Variants in CAMTA1 observed in about 807,000 individuals in gnomAD.
The protein encoded by CAMTA1 is calmodulin binding transcription activator 1.
In CAMTA1, 27 loss-of-function variants were observed where a neutral mutation model predicts 170.9. That is an observed-to-expected ratio of 0.16 (90% CI 0.12 to 0.22). The LOEUF (loss-of-function observed/expected upper bound fraction) is 0.22. Among genes scored for constraint, CAMTA1 ranks in the 10% least tolerant of loss-of-function variants. CAMTA1 has a pLI of 1.00. For missense variants in CAMTA1, 1,619 were observed against 2,217.2 expected (o/e 0.73, Z 5.42); for synonymous variants, 833 against 891.5 (o/e 0.93, Z 1.17).
chr1:6,961,396 C>T (rs189236329), intron 3 of CAMTA1, among the ~76,000 whole-genome samples: 75 of 152,298 alleles, frequency 4.9e-4, no homozygotes, highest in Non-Finnish European at 7.6e-4. Flanking sequence ...AGTTCAGGCG[C>T]CACCATCGTG....
chr1:7,586,384 G>T (rs1041404826), intron 6 of CAMTA1, among the ~76,000 whole-genome samples: 1 of 152,196 alleles, frequency 6.6e-6, no homozygotes, highest in Non-Finnish European at 1.5e-5. Context: ...CCAGAGGCCC[G>T]AGATAAAGCC....
intron 11 of CAMTA1, among the ~76,000 whole-genome samples, chr1:7,684,973 G>A (rs1400120920): frequency 2.0e-5 from 3 of 152,184 alleles, no homozygotes; most frequent in Non-Finnish European, 4.4e-5. Flanking sequence ...AAGAAGCCGC[G>A]CAGGTTAGGC....
intron 5 of CAMTA1, among the ~76,000 whole-genome samples, chr1:7,362,632 T>C (rs1053117282): frequency 1.9e-4 from 28 of 149,314 alleles, no homozygotes; most frequent in African/African-American, 6.9e-4. Context: ...TTGAATAGAG[T>C]GAGTGAACTT....
At chr1:6,907,051 T>G (rs1678665056) in intron 3 of CAMTA1, among the ~76,000 whole-genome samples, 1 of 152,184 alleles carries the variant, frequency 6.6e-6, no homozygotes, top group Non-Finnish European at 1.5e-5. Context: ...GAGATCCATC[T>G]TCGGGATAGG....
At chr1:7,449,351 A>G (rs188837725) in intron 5 of CAMTA1, among the ~76,000 whole-genome samples, 1 of 152,316 alleles carries the variant, frequency 6.6e-6, no homozygotes, top group East Asian at 1.9e-4. Flanking sequence ...GAAGCAGTCT[A>G]AGACCACCGG....
intron 5 of CAMTA1, among the ~76,000 whole-genome samples, chr1:7,398,193 C>CTCTCTATATA (rs1557651862): frequency 4.1e-4 from 7 of 16,890 alleles, no homozygotes; most frequent in African/African-American, 5.8e-4. Context: ...CTCTCTCTCT[C>CTCTCTATATA]TATATATATA....
chr1:7,217,738 T>C (rs763285054), intron 4 of CAMTA1, among the ~76,000 whole-genome samples: 3 of 152,192 alleles, frequency 2.0e-5, no homozygotes, highest in African/African-American at 7.2e-5. Context: ...TTTCAGTTGT[T>C]AATGGAGTCT....
At chr1:7,181,957 C>T (rs1221395502) in intron 4 of CAMTA1, among the ~76,000 whole-genome samples, 4 of 147,972 alleles carry the variant, frequency 2.7e-5, no homozygotes, top group Non-Finnish European at 5.9e-5. Flanking sequence ...TTAAAATGAA[C>T]TATAAAGCCT....
chr1:7,410,592 G>A (rs1452862866), intron 5 of CAMTA1, among the ~76,000 whole-genome samples: 3 of 152,240 alleles, frequency 2.0e-5, no homozygotes, highest in African/African-American at 7.2e-5. Flanking sequence ...AGGGAGAGGA[G>A]GCCCTGGTGA....
Position 6,918,354 on chromosome 1 carries a change from A to G in CAMTA1, c.234+93144A>G, listed in dbSNP as rs1681281261. 6.6e-6 allele frequency among the ~76,000 whole-genome samples: 1 copy of G among 152,228 alleles called. No individual in the cohort carries two copies. On this transcript the variant is annotated intron_variant, in intron 3 of 22. Coordinates refer to ENST00000303635, the MANE Select transcript of CAMTA1 (RefSeq NM_015215.4). The surrounding 1 kb of genome is among the most constrained non-coding windows in gnomAD (Gnocchi z 4.0). ...ATTTGTCCTGGGAGCCAATGAGCAG[A>G]CAGAGTTTGGGTAATCTATGCAAAG...
intron 7 of CAMTA1, among the ~76,000 whole-genome samples, chr1:7,653,533 C>A (rs1205000651): frequency 6.6e-6 from 1 of 152,164 alleles, no homozygotes; most frequent in Admixed American, 6.5e-5. Context: ...AAAGTGCTGG[C>A]ATGAGCCACC....
intron 11 of CAMTA1, among the ~76,000 whole-genome samples, chr1:7,729,640 G>A (rs78226885): frequency 1.0e-3 from 158 of 152,190 alleles, no homozygotes; most frequent in African/African-American, 3.5e-3. Context: ...TCTTCTTGGC[G>A]TATCTGGTTA....
chr1:6,806,915 T>C, intron 1 of CAMTA1: 2 of 421,880 alleles, frequency 4.7e-6, no homozygotes, highest in Non-Finnish European at 8.5e-6. Flanking sequence ...CACGTGAACA[T>C]TGGTTATTGT....
intron 3 of CAMTA1, among the ~76,000 whole-genome samples, chr1:7,084,249 C>T (rs1457675551): frequency 6.6e-6 from 1 of 152,194 alleles, no homozygotes; most frequent in Non-Finnish European, 1.5e-5. Context: ...AAAGACCTTT[C>T]TCCCTCCCTG....
intron 7 of CAMTA1, among the ~76,000 whole-genome samples, chr1:7,660,297 C>T (rs747924566): frequency 1.3e-5 from 2 of 152,242 alleles, no homozygotes; most frequent in Non-Finnish European, 2.9e-5. Flanking sequence ...AAACTCCTGA[C>T]CTCAGGTGAT....
chr1:7,114,387 GGAA>G (rs1329363400), intron 4 of CAMTA1, among the ~76,000 whole-genome samples: 1 of 151,590 alleles, frequency 6.6e-6, no homozygotes, highest in African/African-American at 2.4e-5. Flanking sequence ...GGGCCACACT[GGAA>G]GAAGAAGAAC....
At chr1:7,614,236 C>T (rs968213135) in intron 6 of CAMTA1, among the ~76,000 whole-genome samples, 19 of 152,168 alleles carry the variant, frequency 1.2e-4, no homozygotes, top group African/African-American at 4.3e-4. Flanking sequence ...GGGTCAAAGG[C>T]GGCTGAGAGG....
At chr1:7,250,002 C>T (rs1666376697) in intron 5 of CAMTA1, among the ~76,000 whole-genome samples, 2 of 152,090 alleles carry the variant, frequency 1.3e-5, no homozygotes. Context: ...TGAGGTGACC[C>T]TGGCCTCCCC....
intron 4 of CAMTA1, among the ~76,000 whole-genome samples, chr1:7,136,470 T>C (rs1398667112): frequency 2.0e-5 from 3 of 152,200 alleles, no homozygotes. Context: ...TATTGGATGA[T>C]TCCTATCAGC....
Sources: gnomAD v4.1 joint callset for allele counts (sites outside exome capture counted in the v4.1 genomes callset) on GRCh38, gnomAD v4.1.1 for gene constraint, Gnocchi (gnomAD v3.1) non-coding constraint, MANE v1.5 for transcripts, NCBI Gene and HGNC (gene_info 2026-07-23, HGNC 2026-07-21) for gene names.